The following CAMK1D variants were observed in gnomAD, a reference collection of about 807,000 sequenced individuals.
The protein encoded by CAMK1D is calcium/calmodulin dependent protein kinase ID, also known as calcium/calmodulin-dependent protein kinase type 1D.
In CAMK1D, 9 loss-of-function variants were observed where a neutral mutation model predicts 47.7. That is an observed-to-expected ratio of 0.19 (90% CI 0.11 to 0.33). The LOEUF (loss-of-function observed/expected upper bound fraction) is 0.33. Among genes scored for constraint, CAMK1D ranks in the 10% least tolerant of loss-of-function variants. CAMK1D has a pLI of 1.00. For missense variants in CAMK1D, 291 were observed against 488.7 expected (o/e 0.60, Z 3.81); for synonymous variants, 184 against 184.9 (o/e 0.99, Z 0.04).
chr10:12,779,987 C>T (rs1031879554), intron 5 of CAMK1D, among the ~76,000 whole-genome samples: 3 of 152,172 alleles, frequency 2.0e-5, no homozygotes, highest in Non-Finnish European at 2.9e-5. Flanking sequence ...GCCATGTTGG[C>T]TGCAAAGCCA....
At chr10:12,799,573 C>T (rs1838340526) in intron 6 of CAMK1D, among the ~76,000 whole-genome samples, 1 of 152,196 alleles carries the variant, frequency 6.6e-6, no homozygotes, top group African/African-American at 2.4e-5. Flanking sequence ...GTGCTAATCG[C>T]CTCCAGGTTG....
intron 2 of CAMK1D, among the ~76,000 whole-genome samples, chr10:12,635,044 G>A (rs529991172): frequency 6.6e-6 from 1 of 152,306 alleles, no homozygotes; most frequent in Admixed American, 6.5e-5. Flanking sequence ...TTTTGATGGG[G>A]CGTATGTTGG....
chr10:12,647,795 A>G lies in CAMK1D; in HGVS notation c.225-18941A>G, dbSNP rs1463794857. ...AATGCTTGTGGGTGTGTGCTTACTCAGGAGTTCTTGACCTCAGAAATTCTT... is the reference window on the plus strand; with the variant it reads ...AATGCTTGTGGGTGTGTGCTTACTCGGGAGTTCTTGACCTCAGAAATTCTT... On this transcript the variant is annotated intron_variant, in intron 2 of 10. Transcript: ENST00000619168. 2.0e-5 allele frequency among the ~76,000 whole-genome samples: 3 copies of G among 152,176 alleles called. No homozygotes were observed. The East Asian group carries it at 5.8e-4, about 29-fold the overall frequency.
chr10:12,630,784 C>G (rs1453838484), intron 2 of CAMK1D, among the ~76,000 whole-genome samples: 1 of 152,062 alleles, frequency 6.6e-6, no homozygotes, highest in South Asian at 2.1e-4. Flanking sequence ...TCCGTACCTC[C>G]CTTCTTTGAG....
chr10:12,824,702 G>T (rs774272636), intron 9 of CAMK1D, 150 bp downstream of exon 9: 8 of 641,940 alleles, frequency 1.2e-5, no homozygotes, highest in Non-Finnish European at 2.2e-5. Flanking sequence ...GGAATATTAT[G>T]GTGTAAGAGG....
intron 2 of CAMK1D, among the ~76,000 whole-genome samples, chr10:12,637,726 T>A (rs1289655052): frequency 1.3e-5 from 2 of 152,184 alleles, no homozygotes; most frequent in Non-Finnish European, 2.9e-5. Flanking sequence ...GGTGAGGAAT[T>A]GGCAGGAGAG....
chr10:12,396,581 C>A (rs1838964642), intron 1 of CAMK1D, among the ~76,000 whole-genome samples: 1 of 152,202 alleles, frequency 6.6e-6, no homozygotes, highest in African/African-American at 2.4e-5. Context: ...GGTATTTGAT[C>A]TCTTTTCTGT....
intron 2 of CAMK1D, among the ~76,000 whole-genome samples, chr10:12,659,628 T>C (rs11817130): frequency 0.01 from 1,563 of 151,896 alleles, 22 homozygotes; most frequent in African/African-American, 0.036. Context: ...TTGACCCTAG[T>C]AAGGAGGAAA....
chr10:12,721,839 A>G (rs1165632153), intron 3 of CAMK1D, among the ~76,000 whole-genome samples: 1 of 152,194 alleles, frequency 6.6e-6, no homozygotes. Context: ...CCTAGACTCC[A>G]GGTGTCAGAA....
intron 3 of CAMK1D, among the ~76,000 whole-genome samples, chr10:12,756,668 T>A (rs917739238): frequency 3.9e-5 from 6 of 152,228 alleles, no homozygotes; most frequent in African/African-American, 1.4e-4. Context: ...GGCTCACACC[T>A]GTAATCCCAG....
intron 3 of CAMK1D, among the ~76,000 whole-genome samples, chr10:12,694,449 AAT>A (rs1229981779): frequency 6.3e-5 from 6 of 94,952 alleles, no homozygotes; most frequent in African/African-American, 1.7e-4. Context: ...TAAAATATGA[AAT>A]ATATATGTTA....
chr10:12,717,869 G>A (rs1405193014), intron 3 of CAMK1D, among the ~76,000 whole-genome samples: 1 of 147,136 alleles, frequency 6.8e-6, no homozygotes, highest in Non-Finnish European at 1.5e-5. Flanking sequence ...ACTCCAGCCT[G>A]GGCAACAGAG....
At chr10:12,398,339 C>T (rs1300150501) in intron 1 of CAMK1D, among the ~76,000 whole-genome samples, 1 of 151,998 alleles carries the variant, frequency 6.6e-6, no homozygotes, top group Non-Finnish European at 1.5e-5. Flanking sequence ...ATTTTCAAAG[C>T]TTCTTGTATT....
At chr10:12,399,154 T>C (rs1393036291) in intron 1 of CAMK1D, among the ~76,000 whole-genome samples, 2 of 152,180 alleles carry the variant, frequency 1.3e-5, no homozygotes, top group Admixed American at 1.3e-4. Flanking sequence ...CATGGTCTCC[T>C]TGAGGCTTAC....
chr10:12,696,090 A>AAAAAC (rs1185199239), intron 3 of CAMK1D, among the ~76,000 whole-genome samples: 3 of 152,130 alleles, frequency 2.0e-5, no homozygotes, highest in Non-Finnish European at 4.4e-5. Flanking sequence ...ACTCCATCTC[A>AAAAAC]AAAACAAAAT....
At chr10:12,802,645 C>G (rs537314693) in intron 6 of CAMK1D, among the ~76,000 whole-genome samples, 1 of 152,112 alleles carries the variant, frequency 6.6e-6, no homozygotes, top group South Asian at 2.1e-4. Flanking sequence ...CTCAGCCTCC[C>G]GAGTAGCTGA....
At chr10:12,555,638 A>G (rs932410932) in intron 2 of CAMK1D, among the ~76,000 whole-genome samples, 1 of 152,182 alleles carries the variant, frequency 6.6e-6, no homozygotes, top group Non-Finnish European at 1.5e-5. Flanking sequence ...AGAAGAAGTT[A>G]TTTGCTGGTG....
chr10:12,740,047 T>G (rs924887611), intron 3 of CAMK1D, among the ~76,000 whole-genome samples: 1 of 152,190 alleles, frequency 6.6e-6, no homozygotes. Flanking sequence ...AACCGAGTAG[T>G]TCCTGTGTGC....
chr10:12,407,108 T>C (rs541917039), intron 1 of CAMK1D, among the ~76,000 whole-genome samples: 1 of 152,300 alleles, frequency 6.6e-6, no homozygotes, highest in Admixed American at 6.5e-5. Flanking sequence ...TACTGTAAAA[T>C]GCCCCTCTCA....
Sources: gnomAD v4.1 joint callset for allele counts (sites outside exome capture counted in the v4.1 genomes callset) on GRCh38, gnomAD v4.1.1 for gene constraint, MANE v1.5 for transcripts, NCBI Gene and HGNC (gene_info 2026-07-23, HGNC 2026-07-21) for gene names.